Variants in TMPRSS9 observed in about 807,000 individuals in gnomAD.
TMPRSS9 encodes the protein transmembrane serine protease 9, also known as transmembrane protease serine 9.
A neutral mutation model predicts 111.4 loss-of-function variants in TMPRSS9; 113 were observed. The ratio of observed to expected loss-of-function variants is 1.01; its 90% CI spans 0.87 to 1.19. The LOEUF (loss-of-function observed/expected upper bound fraction) is 1.19, where lower values mean the gene tolerates loss of function less well. TMPRSS9 is among the 50% of genes most tolerant of loss of function. The probability of loss-of-function intolerance (pLI) is 0.00; values close to 1 mark genes in which losing one functional copy is unlikely to be tolerated. For synonymous variants in TMPRSS9, 805 were observed against 659.1 expected (o/e 1.22, Z -3.39); for missense variants, 1,803 against 1,513.1 (o/e 1.19, Z -3.18).
At position 2,377,277 on chromosome 19, in the gene TMPRSS9, GTATGTATGTATGTATA is replaced by G. The variant is rs1473780341; in HGVS notation, c.-25-12468_-25-12453del. Among the ~76,000 whole-genome samples, 476 of 134,006 alleles carry G rather than the reference GTATGTATGTATGTATA, an allele frequency of 3.6e-3. 12 individuals carry two copies. The highest frequency in any genetic ancestry group is 0.016 in the African/African-American group (442 of 28,506). 87.9% of individuals were successfully genotyped at this position (134,006 alleles called of 152,430 possible). On this transcript the variant is annotated intron_variant, in intron 1 of 17. Transcript: ENST00000649857. Reference sequence around the variant, plus strand: ...TGTATGTATGTATGTATGTATGTATGTATGTATGTATGTATATATGTATGTATGTATGTATGTATTT... The same window carrying G: ...TGTATGTATGTATGTATGTATGTATGTATGTATGTATGTATGTATGTATTT...
At chr19:2,406,737 G>GTT (rs1328596367) in intron 7 of TMPRSS9, among the ~76,000 whole-genome samples, 3 of 151,176 alleles carry the variant, frequency 2.0e-5, no homozygotes, top group Admixed American at 2.0e-4. Context: ...TTTTGTTGAT[G>GTT]TTTTGCTCAT....
At chr19:2,375,336 C>T (rs1237797363) in intron 1 of TMPRSS9, among the ~76,000 whole-genome samples, 2 of 152,158 alleles carry the variant, frequency 1.3e-5, no homozygotes, top group African/African-American at 4.8e-5. Context: ...CATATGCAAC[C>T]TCTTGGGTCC....
intron 1 of TMPRSS9, among the ~76,000 whole-genome samples, chr19:2,384,446 C>G (rs367592027): frequency 4.6e-5 from 7 of 151,944 alleles, no homozygotes; most frequent in South Asian, 2.1e-4. Flanking sequence ...GAGGCCGAGG[C>G]GAGCAGATCA....
chr19:2,405,552 C>CG lies in TMPRSS9; in HGVS notation c.842+7_842+8insG, dbSNP rs769898838. 5 of 1,543,112 alleles carry CG rather than the reference C, an allele frequency of 3.2e-6. No individual in the cohort carries two copies. Among genetic ancestry groups the CG allele is most frequent in the Admixed American group, 2.1e-5 (1 of 46,822 alleles). ...CTGCTCACTGCTTCAATGAGTAAGC[C>CG]CCCATCCCAAAGCACCAAACCCGAA... is the stretch of plus-strand genomic sequence containing the variant. On this transcript the variant is annotated splice_region_variant and intron_variant, in intron 7 of 17. Coordinates refer to ENST00000648592, the Ensembl canonical transcript of TMPRSS9.
intron 1 of TMPRSS9, among the ~76,000 whole-genome samples, chr19:2,363,797 T>TGCGCGCGCGC (rs1568464296): frequency 6.1e-5 from 8 of 130,662 alleles, no homozygotes; most frequent in Admixed American, 5.7e-4. Flanking sequence ...TGAGTGTGTG[T>TGCGCGCGCGC]GTGTGTGCGT....
Position 2,399,292 on chromosome 19 carries a change from A to G in TMPRSS9, c.514+99A>G, listed in dbSNP as rs1198975965. The G allele has an allele frequency of 2.1e-6, 3 of 1,433,896 alleles. No homozygotes were observed. In the East Asian group the frequency reaches 7.4e-5, roughly 35 times the overall value. 88.8% of individuals were successfully genotyped at this position (1,433,896 alleles called of 1,614,324 possible). ...GATAACCACCCCTTCCCATAAAAAGAAAACAAACTGGCCGGGTGTGGTGGC... is the reference window on the plus strand; with the variant it reads ...GATAACCACCCCTTCCCATAAAAAGGAAACAAACTGGCCGGGTGTGGTGGC... On this transcript the variant is annotated intron_variant, in intron 4 of 17. Coordinates refer to ENST00000648592, the Ensembl canonical transcript of TMPRSS9.
At chr19:2,398,309 T>C (rs1970752869) in intron 2 of TMPRSS9, among the ~76,000 whole-genome samples, 1 of 145,302 alleles carries the variant, frequency 6.9e-6, no homozygotes, top group Non-Finnish European at 1.5e-5. Flanking sequence ...ATAATAATAA[T>C]AATAAAAAAT....
chr19:2,408,574 T>C, exon 8 of TMPRSS9: 1 of 1,613,468 alleles, frequency 6.2e-7, no homozygotes, highest in Non-Finnish European at 8.5e-7. Flanking sequence ...ACACACATCT[T>C]CCCACCCAGC....
At chr19:2,400,831 G>A (rs936299500) in intron 4 of TMPRSS9, among the ~76,000 whole-genome samples, 2 of 151,266 alleles carry the variant, frequency 1.3e-5, no homozygotes, top group Admixed American at 6.6e-5. Flanking sequence ...AAAATTAGCC[G>A]GGCATGGTGG....
At chr19:2,424,359 T>C in intron 15 of TMPRSS9, 102 bp downstream of exon 16, 8 of 1,206,526 alleles carry the variant, frequency 6.6e-6, no homozygotes, top group Non-Finnish European at 8.3e-6. Context: ...TTGCCGGGAG[T>C]GCCCTCCCCA....
upstream of TMPRSS9, among the ~76,000 whole-genome samples, chr19:2,387,518 A>AGGAAAGGAAGGGAAG (rs535723808): frequency 8.4e-4 from 126 of 150,366 alleles, 2 homozygotes; most frequent in African/African-American, 2.8e-3. Flanking sequence ...AGGAAAGGAA[A>AGGAAAGGAAGGGAAG]GGAAAGGAAG....
At chr19:2,387,143 G>T (rs1482640737), upstream of TMPRSS9, among the ~76,000 whole-genome samples, 1 of 152,150 alleles carries the variant, frequency 6.6e-6, no homozygotes, top group African/African-American at 2.4e-5. Flanking sequence ...GATCACCTGA[G>T]GTCAGGAGTT....
At chr19:2,395,451 C>T (rs146576774) in intron 1 of TMPRSS9, among the ~76,000 whole-genome samples, 116 of 151,592 alleles carry the variant, frequency 7.7e-4, no homozygotes, top group African/African-American at 2.3e-3. Context: ...CAAGGCCGGG[C>T]GCGGTGGCTC....
At chr19:2,374,691 A>G (rs1444109509) in intron 1 of TMPRSS9, among the ~76,000 whole-genome samples, 2 of 152,036 alleles carry the variant, frequency 1.3e-5, no homozygotes, top group African/African-American at 4.8e-5. Context: ...CCAGGCTTGG[A>G]AGAGGTTCTT....
chr19:2,418,175 A>T, intron 13 of TMPRSS9, 37 bp downstream of exon 14: 1 of 1,563,460 alleles, frequency 6.4e-7, no homozygotes, highest in Non-Finnish European at 8.7e-7. Flanking sequence ...CAATATTTCC[A>T]TGAAATGCCC....
intron 5 of TMPRSS9, among the ~76,000 whole-genome samples, chr19:2,402,356 C>T (rs1270291722): frequency 5.3e-5 from 8 of 152,072 alleles, no homozygotes; most frequent in African/African-American, 9.7e-5. Flanking sequence ...GAAGGAGGAT[C>T]GCTTGAACCC....
At chr19:2,381,092 C>T (rs1178658864) in intron 1 of TMPRSS9, among the ~76,000 whole-genome samples, 1 of 151,984 alleles carries the variant, frequency 6.6e-6, no homozygotes, top group Non-Finnish European at 1.5e-5. Context: ...GCCTCTTCCA[C>T]TTGGATTGAA....
rs201399292 is a variant in TMPRSS9 at position 2,399,091 on chromosome 19, G to A, written c.412G>A (p.Gly138Ser). Residue 138 changes from glycine to serine, a missense_variant, in exon 4 of 18, where the codon GGC becomes AGC. Coordinates refer to ENST00000648592, the Ensembl canonical transcript of TMPRSS9. Reference sequence around the variant, plus strand: ...GCGACCCCTCCAGACGCTGAGCCTGGGCCTGGAGGAGGAGCTATTGCAGCG... The same window carrying A: ...GCGACCCCTCCAGACGCTGAGCCTGAGCCTGGAGGAGGAGCTATTGCAGCG... The A allele has an allele frequency of 7.1e-5, 115 of 1,613,646 alleles. No homozygotes were observed. The highest frequency in any genetic ancestry group is 4.9e-4 in the Middle Eastern group (3 of 6,062).
At chr19:2,417,923 CG>C (rs1395478588) in intron 12 of TMPRSS9, 78 bp from the exon 14 acceptor site, 3 of 1,567,298 alleles carry the variant, frequency 1.9e-6, no homozygotes, top group East Asian at 4.5e-5. Flanking sequence ...TGCTGCATCT[CG>C]GGGCTGTTAT....
Sources: allele counts gnomAD v4.1 joint callset (sites outside exome capture counted in the v4.1 genomes callset), GRCh38; gene constraint gnomAD v4.1.1; transcripts MANE v1.5; gene names NCBI Gene and HGNC (gene_info 2026-07-23, HGNC 2026-07-21).